RALYL: variants seen among roughly 807,000 people sequenced by gnomAD.
RALYL encodes the protein RALY RNA binding protein like.
In RALYL, 29 loss-of-function variants were observed where a neutral mutation model predicts 35.1. The ratio of observed to expected loss-of-function variants is 0.83; its 90% confidence interval spans 0.61 to 1.13. RALYL has a LOEUF of 1.13. Ranked by LOEUF, RALYL falls within the 50% of genes most tolerant of loss-of-function variation. The pLI, the probability that RALYL is intolerant of heterozygous loss-of-function variation, is 0.00. For missense variants in RALYL, 359 were observed against 360.4 expected, an observed-to-expected ratio of 1.00 and a Z score of 0.03; for synonymous variants, 120 against 127.6, an observed-to-expected ratio of 0.94 and a Z score of 0.40.
intron 3 of RALYL, among the ~76,000 whole-genome samples, chr8:84,782,925 C>T (rs544867670): frequency 1.8e-4 from 26 of 148,330 alleles, no homozygotes; most frequent in Middle Eastern, 3.4e-3. Flanking sequence ...TATCCAGTGA[C>T]CTGTTTCTTG....
At chr8:84,824,381 A>G (rs967557953) in intron 4 of RALYL, among the ~76,000 whole-genome samples, 1 of 152,206 alleles carries the variant, frequency 6.6e-6, no homozygotes, top group African/African-American at 2.4e-5. Flanking sequence ...AAATGGAAAA[A>G]CATTCTATGG....
Position 84,479,085 on chromosome 8 carries a change from C to CAAAAAAAAAA in RALYL, c.-23-50185_-23-50176dup, listed in dbSNP as rs56799862. On this transcript the variant is annotated intron_variant, in intron 1 of 8. Coordinates refer to ENST00000521268, the MANE Select transcript of RALYL (RefSeq NM_173848.7). ...TAGGTGACAGAGCAAGACTCCGTCT[C>CAAAAAAAAAA]AAAAAAAAAAAAAAAAAAAAAAAAA... Among the ~76,000 whole-genome samples, 30 of 21,828 alleles carry CAAAAAAAAAA rather than the reference C, an allele frequency of 1.4e-3. 8 individuals are homozygous for CAAAAAAAAAA. The highest frequency in any genetic ancestry group is 2.0e-3 in the African/African-American group (19 of 9,586). The allele number at this position is 21,828 out of a possible 152,430, so 14.3% of individuals were successfully genotyped here. A position where few individuals can be genotyped will look rare whatever the true frequency, so the allele number is the denominator to read the frequency against.
chr8:84,283,851 A>T (rs1837089157), intron 1 of RALYL, among the ~76,000 whole-genome samples: 1 of 152,134 alleles, frequency 6.6e-6, no homozygotes, highest in Admixed American at 6.6e-5. Flanking sequence ...TTTATCACAT[A>T]ATTCTCACAG....
At chr8:84,768,221 G>A (rs1282618315) in intron 2 of RALYL, among the ~76,000 whole-genome samples, 1 of 152,126 alleles carries the variant, frequency 6.6e-6, no homozygotes, top group Non-Finnish European at 1.5e-5. Context: ...TTACTGCTAG[G>A]ATGCCATACT....
intron 8 of RALYL, among the ~76,000 whole-genome samples, chr8:84,913,002 G>GGATT: frequency 7.9e-6 from 1 of 127,228 alleles, no homozygotes; most frequent in East Asian, 2.7e-4. Flanking sequence ...ATGGATGGAT[G>GGATT]GATGGATGGA....
intron 1 of RALYL, among the ~76,000 whole-genome samples, chr8:84,375,982 G>A (rs1470480299): frequency 6.6e-6 from 1 of 151,768 alleles, no homozygotes; most frequent in Non-Finnish European, 1.5e-5. Context: ...ATGAAGCAAG[G>A]TAACATTTTC....
At chr8:84,685,227 G>A (rs754887027) in intron 2 of RALYL, among the ~76,000 whole-genome samples, 7 of 152,132 alleles carry the variant, frequency 4.6e-5, no homozygotes, top group Non-Finnish European at 7.4e-5. Context: ...AAGAGCAGCC[G>A]TGAGGTGAAA....
intron 2 of RALYL, among the ~76,000 whole-genome samples, chr8:84,610,045 C>G (rs909646235): frequency 1.3e-5 from 2 of 152,140 alleles, no homozygotes; most frequent in African/African-American, 4.8e-5. Flanking sequence ...CTGGATCCCT[C>G]TCATGTCAGT....
Position 84,483,961 on chromosome 8 carries a change from AT to A in RALYL, c.-23-45330del, listed in dbSNP as rs201485500. On this transcript the variant is annotated intron_variant, in intron 1 of 8. Coordinates refer to ENST00000521268, the MANE Select transcript of RALYL (RefSeq NM_173848.7). ...GAATTACATCAATTGAGATATGTAAATTTTTTTTCTATTTTAATGTTTCTTA... is the reference window on the plus strand; with the variant it reads ...GAATTACATCAATTGAGATATGTAAATTTTTTTCTATTTTAATGTTTCTTA... Among the ~76,000 whole-genome samples the A allele has an allele frequency of 5.5e-3, 831 of 152,010 alleles. 9 individuals are homozygous for A. The highest frequency in any genetic ancestry group is 0.018 in the African/African-American group (762 of 41,472).
intron 3 of RALYL, among the ~76,000 whole-genome samples, chr8:84,798,666 T>C (rs764808707): frequency 2.6e-5 from 4 of 152,284 alleles, no homozygotes; most frequent in Non-Finnish European, 4.4e-5. Flanking sequence ...ACAGATCAGA[T>C]AATGGTAAGT....
At chr8:84,344,993 G>A (rs1276715784) in intron 1 of RALYL, among the ~76,000 whole-genome samples, 1 of 151,940 alleles carries the variant, frequency 6.6e-6, no homozygotes, top group African/African-American at 2.4e-5. Flanking sequence ...AAATAATGCT[G>A]GAGTGAACAT....
At chr8:84,211,078 G>T (rs1020510591) in intron 1 of RALYL, among the ~76,000 whole-genome samples, 1 of 152,022 alleles carries the variant, frequency 6.6e-6, no homozygotes, top group African/African-American at 2.4e-5. Context: ...TGTGGTCACT[G>T]TCTTTATATA....
At chr8:84,192,868 C>T (rs1351113899) in intron 1 of RALYL, among the ~76,000 whole-genome samples, 1 of 121,710 alleles carries the variant, frequency 8.2e-6, no homozygotes, top group Non-Finnish European at 1.6e-5. Context: ...TATGAGTCAT[C>T]AAAGGAGTGA....
At position 84,831,257 on chromosome 8, in the gene RALYL, CTAACTT is replaced by C. The variant is rs1404025045; in HGVS notation, c.366-18719_366-18714del. ...AGGAATCCATAAATTTAAAAAGAGA[CTAACTT>C]TAAGACAAAAGGTAAAATCGAACTC... On this transcript the variant is annotated intron_variant, in intron 4 of 8. Coordinates refer to ENST00000521268, the MANE Select transcript of RALYL (RefSeq NM_173848.7). Among the ~76,000 whole-genome samples, 6 of 152,164 alleles carry C rather than the reference CTAACTT, an allele frequency of 3.9e-5. No individual in the cohort carries two copies. The East Asian group carries it at 9.7e-4, about 25-fold the overall frequency.
At chr8:84,830,020 G>T (rs533234856) in intron 4 of RALYL, among the ~76,000 whole-genome samples, 98 of 127,550 alleles carry the variant, frequency 7.7e-4, no homozygotes, top group Middle Eastern at 3.7e-3. Flanking sequence ...CTATACTGGG[G>T]GGGGGGGGGC....
intron 1 of RALYL, among the ~76,000 whole-genome samples, chr8:84,312,032 A>T (rs1842913211): frequency 6.6e-6 from 1 of 152,188 alleles, no homozygotes; most frequent in Non-Finnish European, 1.5e-5. Flanking sequence ...ATTGACTCAC[A>T]ATTCTGCATG....
intron 1 of RALYL, among the ~76,000 whole-genome samples, chr8:84,305,152 T>C (rs1158521602): frequency 1.3e-5 from 2 of 152,182 alleles, no homozygotes; most frequent in Non-Finnish European, 2.9e-5. Flanking sequence ...AAACACTCAA[T>C]TATTCATTCT....
chr8:84,747,816 G>A (rs1310458786), intron 2 of RALYL, among the ~76,000 whole-genome samples: 2 of 151,824 alleles, frequency 1.3e-5, no homozygotes, highest in Non-Finnish European at 2.9e-5. Flanking sequence ...TAAATCATGT[G>A]ATAGACATTT....
At chr8:84,421,911 G>A (rs1000043786) in intron 1 of RALYL, among the ~76,000 whole-genome samples, 1 of 150,634 alleles carries the variant, frequency 6.6e-6, no homozygotes, top group South Asian at 2.1e-4. Flanking sequence ...CTTGATCATG[G>A]TGGATAAGCT....
Sources: gnomAD v4.1 joint callset for allele counts (sites outside exome capture counted in the v4.1 genomes callset) on GRCh38, gnomAD v4.1.1 for gene constraint, MANE v1.5 for transcripts, NCBI Gene and HGNC (gene_info 2026-07-23, HGNC 2026-07-21) for gene names.